Variants in FSTL5 observed in about 807,000 individuals in gnomAD.
The protein encoded by FSTL5 is follistatin like 5, also known as follistatin-related protein 5.
In FSTL5, 62 loss-of-function variants were observed where a neutral mutation model predicts 89.1. The ratio of observed to expected loss-of-function variants is 0.70; its 90% confidence interval spans 0.57 to 0.86. FSTL5 has a LOEUF of 0.86. FSTL5 is among the 40% of genes least tolerant of loss of function. The pLI, the probability that FSTL5 is intolerant of heterozygous loss-of-function variation, is 0.00. For missense variants in FSTL5, 1,057 were observed against 1,001.6 expected (o/e 1.06, Z -0.75); for synonymous variants, 383 against 346.2 (o/e 1.11, Z -1.18).
At chr4:162,071,916 AAATT>A (rs1729641072) in intron 2 of FSTL5, among the ~76,000 whole-genome samples, 1 of 151,866 alleles carries the variant, frequency 6.6e-6, no homozygotes, top group African/African-American at 2.4e-5. Context: ...GTCAGTGAAG[AAATT>A]AATAGGAAAA....
intron 15 of FSTL5, among the ~76,000 whole-genome samples, chr4:161,437,464 G>A (rs1300146909): frequency 1.3e-5 from 2 of 150,926 alleles, no homozygotes; most frequent in East Asian, 4.0e-4. Context: ...CTACTCGGGA[G>A]GCTGAGGCAG....
intron 7 of FSTL5, among the ~76,000 whole-genome samples, chr4:161,605,112 T>A (rs930290927): frequency 6.6e-6 from 1 of 152,182 alleles, no homozygotes; most frequent in Non-Finnish European, 1.5e-5. Context: ...TCATTTTATA[T>A]CCTACTCACC....
intron 6 of FSTL5, among the ~76,000 whole-genome samples, chr4:161,726,273 C>CTGGA (rs1489434975): frequency 7.9e-6 from 1 of 126,950 alleles, no homozygotes; most frequent in Non-Finnish European, 1.6e-5. Flanking sequence ...CTTACCCAGG[C>CTGGA]TGGAGTGCAG....
intron 4 of FSTL5, among the ~76,000 whole-genome samples, chr4:161,865,906 T>C (rs1732070163): frequency 1.3e-5 from 2 of 152,328 alleles, no homozygotes; most frequent in African/African-American, 4.8e-5. Context: ...CATATCTTTT[T>C]CCTAGCCAGC....
chr4:161,848,352 T>C (rs1035650714), intron 4 of FSTL5, among the ~76,000 whole-genome samples: 1 of 152,126 alleles, frequency 6.6e-6, no homozygotes, highest in Non-Finnish European at 1.5e-5. Context: ...TTACTATTTT[T>C]GAAATTATAT....
chr4:161,426,075 T>A (rs535250302), intron 15 of FSTL5, among the ~76,000 whole-genome samples: 11 of 152,264 alleles, frequency 7.2e-5, no homozygotes, highest in African/African-American at 2.6e-4. Flanking sequence ...AATATCTCAA[T>A]CCATACTACT....
At chr4:161,933,925 G>A (rs1252819001) in intron 3 of FSTL5, among the ~76,000 whole-genome samples, 1 of 151,966 alleles carries the variant, frequency 6.6e-6, no homozygotes, top group Admixed American at 6.6e-5. Flanking sequence ...TCTTTAAGTG[G>A]TAGCACTGAA....
At chr4:162,037,963 G>A (rs1312661221) in intron 2 of FSTL5, among the ~76,000 whole-genome samples, 1 of 151,852 alleles carries the variant, frequency 6.6e-6, no homozygotes, top group Non-Finnish European at 1.5e-5. Flanking sequence ...TACTTTAAAT[G>A]AGAAAACATT....
chr4:161,992,886 A>G (rs61511791), intron 3 of FSTL5, among the ~76,000 whole-genome samples: 2 of 16,482 alleles, frequency 1.2e-4, no homozygotes, highest in East Asian at 1.2e-3. Flanking sequence ...ATATATATAT[A>G]TATATATATA....
intron 6 of FSTL5, among the ~76,000 whole-genome samples, chr4:161,690,697 T>C (rs1737908743): frequency 6.6e-6 from 1 of 152,178 alleles, no homozygotes; most frequent in Non-Finnish European, 1.5e-5. Flanking sequence ...TGCAGGTTTG[T>C]TACATAAGTA....
Position 161,587,486 on chromosome 4 carries a change from T to G in FSTL5, c.984A>C (p.Gln328His). 1 of 1,613,440 alleles carries G rather than the reference T, an allele frequency of 6.2e-7. No individual in the cohort carries two copies. The highest frequency in any genetic ancestry group is 8.5e-7 in the Non-Finnish European group (1 of 1,179,576). Residue 328 changes from glutamine to histidine, a missense_variant, in exon 8 of 16, where the codon CAA (glutamine) becomes CAC (histidine). Around this residue, in one of 3 missense-constraint regions of FSTL5, gnomAD observed 980 missense variants for 903.2 expected, o/e 1.08. Coordinates refer to ENST00000306100, the MANE Select transcript of FSTL5 (RefSeq NM_020116.5). ...NYTCYADGYE[Q>H]VYQTHIFQVN... ...CTTGGAAGATGTGAGTCTGATAGAC[T>G]TGTTCATAGCCATCTGCATAGCAGG...
chr4:161,884,999 G>A (rs1344021973), intron 4 of FSTL5, among the ~76,000 whole-genome samples: 2 of 151,428 alleles, frequency 1.3e-5, no homozygotes, highest in African/African-American at 4.9e-5. Flanking sequence ...CAGAGCGAAG[G>A]GTTTAAATCA....
chr4:161,898,441 G>A (rs940791152), intron 4 of FSTL5, among the ~76,000 whole-genome samples: 14 of 151,706 alleles, frequency 9.2e-5, no homozygotes, highest in Admixed American at 3.9e-4. Context: ...GTAAGATTAC[G>A]CTTAGCTTCA....
intron 7 of FSTL5, among the ~76,000 whole-genome samples, chr4:161,653,227 C>A (rs2126679506): frequency 6.6e-6 from 1 of 152,232 alleles, no homozygotes; most frequent in East Asian, 1.9e-4. Flanking sequence ...AGCAAAGATG[C>A]CCAAGGCACA....
intron 6 of FSTL5, among the ~76,000 whole-genome samples, chr4:161,751,167 G>T (rs1361092297): frequency 5.3e-5 from 8 of 151,910 alleles, no homozygotes; most frequent in Admixed American, 5.3e-4. Flanking sequence ...TCTTACAAAT[G>T]GGACATTAAA....
At chr4:161,855,259 G>T (rs1373066414) in intron 4 of FSTL5, among the ~76,000 whole-genome samples, 2 of 152,048 alleles carry the variant, frequency 1.3e-5, no homozygotes, top group Admixed American at 1.3e-4. Flanking sequence ...GCCATAAGGT[G>T]TCCTTGGAGA....
chr4:161,430,400 A>G (rs937543730), intron 15 of FSTL5, among the ~76,000 whole-genome samples: 5 of 152,146 alleles, frequency 3.3e-5, no homozygotes, highest in African/African-American at 1.2e-4. Flanking sequence ...AGGTTATAGA[A>G]CACCAAGCAG....
At chr4:161,657,222 TAGG>T (rs1444109928) in intron 6 of FSTL5, among the ~76,000 whole-genome samples, 3 of 152,184 alleles carry the variant, frequency 2.0e-5, no homozygotes, top group Non-Finnish European at 2.9e-5. Flanking sequence ...CCTTACCAAT[TAGG>T]AGAATTATCA....
intron 6 of FSTL5, among the ~76,000 whole-genome samples, chr4:161,755,839 T>C (rs1223039840): frequency 6.6e-6 from 1 of 152,116 alleles, no homozygotes; most frequent in South Asian, 2.1e-4. Flanking sequence ...TTTTTATTCA[T>C]GATACCTTAG....
Sources: gnomAD v4.1 joint callset for allele counts (sites outside exome capture counted in the v4.1 genomes callset) on GRCh38, gnomAD v4.1.1 for gene constraint, gnomAD v4.1.1 regional missense constraint, MANE v1.5 for transcripts, NCBI Gene and HGNC (gene_info 2026-07-23, HGNC 2026-07-21) for gene names.